The following ATOSA variants were observed in gnomAD, a reference collection of about 807,000 sequenced individuals.
The protein encoded by ATOSA is atos homolog A, also known as atos homolog protein A.
At chr15:52,636,967 G>GT in the ATOSA span, among the ~76,000 whole-genome samples, 1 of 152,138 alleles carries the variant, frequency 6.6e-6, no homozygotes, top group Non-Finnish European at 1.5e-5. Context: ...ATTATTGTGT[G>GT]TATGTACTTC....
At chr15:52,593,434 G>T in the ATOSA span, 1 of 713,822 alleles carries the variant, frequency 1.4e-6, no homozygotes, top group Non-Finnish European at 2.2e-6. Context: ...TTAGAAAGAA[G>T]TTGTGAGGTA....
At chr15:52,647,579 C>T in the ATOSA span, among the ~76,000 whole-genome samples, 1 of 152,198 alleles carries the variant, frequency 6.6e-6, no homozygotes, top group South Asian at 2.1e-4. Context: ...ACAATGTCAC[C>T]TTTAGCTCAG....
At chr15:52,678,010 G>C in the ATOSA span, 1 of 1,613,970 alleles carries the variant, frequency 6.2e-7, no homozygotes, top group African/African-American at 1.3e-5. Flanking sequence ...ATTTACCTCG[G>C]TCTGGCTTCA....
At chr15:52,606,887 C>G in the ATOSA span, among the ~76,000 whole-genome samples, 1 of 151,988 alleles carries the variant, frequency 6.6e-6, no homozygotes, top group Non-Finnish European at 1.5e-5. Flanking sequence ...GATCAAGGTA[C>G]TTCAGAAGAA....
At chr15:52,598,914 CA>C in the ATOSA span, among the ~76,000 whole-genome samples, 1 of 152,106 alleles carries the variant, frequency 6.6e-6, no homozygotes, top group South Asian at 2.1e-4. Flanking sequence ...AAGCATATGG[CA>C]CCTCCCTCCT....
chr15:52,640,644 T>TC, the ATOSA span, among the ~76,000 whole-genome samples: 1 of 147,948 alleles, frequency 6.8e-6, no homozygotes, highest in Non-Finnish European at 1.5e-5. Context: ...CTACGTACAT[T>TC]TAAAATAAAC....
chr15:52,595,147 T>A, the ATOSA span, among the ~76,000 whole-genome samples: 1 of 152,204 alleles, frequency 6.6e-6, no homozygotes. Flanking sequence ...AGCTCCTCAG[T>A]AAAGCTTTCC....
the ATOSA span, among the ~76,000 whole-genome samples, chr15:52,679,833 T>TC: frequency 1.1e-5 from 1 of 88,958 alleles, no homozygotes; most frequent in African/African-American, 4.7e-5. Flanking sequence ...CTCCTCCTCC[T>TC]CCTCCTCCCG....
At chr15:52,601,206 T>C in the ATOSA span, 1 of 1,253,598 alleles carries the variant, frequency 8.0e-7, no homozygotes, top group African/African-American at 1.5e-5. Flanking sequence ...AAAAAAAAAC[T>C]GTTAATTTTT....
chr15:52,611,387 G>T, the ATOSA span: 1 of 1,258,790 alleles, frequency 7.9e-7, no homozygotes. Context: ...ATACACTTAC[G>T]ATGTCACTTG....
the ATOSA span, among the ~76,000 whole-genome samples, chr15:52,703,999 A>G: frequency 1.3e-5 from 2 of 152,182 alleles, no homozygotes; most frequent in African/African-American, 2.4e-5. Context: ...GCAAAAGAAT[A>G]TCTATAGTAT....
the ATOSA span, among the ~76,000 whole-genome samples, chr15:52,661,931 C>CA: frequency 0.72 from 52,571 of 73,468 alleles, 19,008 homozygotes; most frequent in Non-Finnish European, 0.78. Flanking sequence ...CAAGCCAGGC[C>CA]AAAAAAAAAA....
the ATOSA span, among the ~76,000 whole-genome samples, chr15:52,624,922 C>A: frequency 1.3e-5 from 2 of 151,900 alleles, no homozygotes; most frequent in Non-Finnish European, 2.9e-5. Flanking sequence ...GGATTACAGG[C>A]ACTTGCCACC....
At chr15:52,600,314 T>G in the ATOSA span, 1 of 840,920 alleles carries the variant, frequency 1.2e-6, no homozygotes, top group Non-Finnish European at 1.9e-6. Flanking sequence ...GGTCTCACTC[T>G]GTCACCCAGG....
chr15:52,691,955 G>GA, the ATOSA span, among the ~76,000 whole-genome samples: 1 of 152,076 alleles, frequency 6.6e-6, no homozygotes, highest in Non-Finnish European at 1.5e-5. Context: ...AACCATCAAA[G>GA]AACAGATCAT....
the ATOSA span, among the ~76,000 whole-genome samples, chr15:52,693,108 A>T: frequency 6.6e-6 from 1 of 152,194 alleles, no homozygotes; most frequent in African/African-American, 2.4e-5. Context: ...AGAGACATAC[A>T]AACGGAAAGA....
chr15:52,603,138 T>A, the ATOSA span, among the ~76,000 whole-genome samples: 5 of 152,182 alleles, frequency 3.3e-5, no homozygotes, highest in South Asian at 1.0e-3. Flanking sequence ...AGGTCAAACA[T>A]TTGGAGTTTT....
the ATOSA span, among the ~76,000 whole-genome samples, chr15:52,686,960 G>A: frequency 3.3e-5 from 5 of 152,178 alleles, no homozygotes; most frequent in African/African-American, 1.2e-4. Context: ...TTTCTAAAAT[G>A]TCATTTCTGT....
the ATOSA span, among the ~76,000 whole-genome samples, chr15:52,661,741 G>A: frequency 2.0e-5 from 3 of 151,960 alleles, no homozygotes; most frequent in East Asian, 1.9e-4. Context: ...GTTAGGCTAC[G>A]ACCTCCTGGA....
Sources: allele counts gnomAD v4.1 joint callset (sites outside exome capture counted in the v4.1 genomes callset), GRCh38; gene constraint gnomAD v4.1.1; transcripts MANE v1.5; gene names NCBI Gene and HGNC (gene_info 2026-07-23, HGNC 2026-07-21).